The following RBFOX1 variants were observed in gnomAD, a reference collection of about 807,000 sequenced individuals.
RBFOX1 encodes RNA binding fox-1 homolog 1.
RBFOX1 carries 8 observed loss-of-function variants against 57.7 expected under a neutral mutation model. The ratio of observed to expected loss-of-function variants is 0.14; its 90% CI spans 0.08 to 0.25. The LOEUF (loss-of-function observed/expected upper bound fraction) is 0.25. RBFOX1 is among the 10% of genes least tolerant of loss of function. The pLI is 1.00. For missense variants in RBFOX1, 611 were observed against 548.5 expected, an observed-to-expected ratio of 1.11 and a Z score of -1.14; for synonymous variants, 326 against 222.4, an observed-to-expected ratio of 1.47 and a Z score of -4.15.
chr16:7,492,945 C>G (rs888985227), intron 4 of RBFOX1, among the ~76,000 whole-genome samples: 7 of 152,264 alleles, frequency 4.6e-5, no homozygotes, highest in African/African-American at 1.4e-4. Context: ...GTGGTGCGAT[C>G]TCAGCTCACT....
intron 1 of RBFOX1, among the ~76,000 whole-genome samples, chr16:5,319,120 C>CT (rs1465457768): frequency 6.8e-6 from 1 of 147,812 alleles, no homozygotes; most frequent in Non-Finnish European, 1.5e-5. Flanking sequence ...GAGTAAGACT[C>CT]TGTCTCAAAC....
chr16:7,536,038 C>T (rs549758501), intron 5 of RBFOX1, among the ~76,000 whole-genome samples: 29 of 152,302 alleles, frequency 1.9e-4, no homozygotes, highest in Admixed American at 1.0e-3. Context: ...TACACACACA[C>T]GTCACTCACA....
chr16:7,524,689 G>T (rs183737861), intron 5 of RBFOX1, among the ~76,000 whole-genome samples: 3 of 152,328 alleles, frequency 2.0e-5, no homozygotes, highest in East Asian at 1.9e-4. Flanking sequence ...ACAGGGAAAA[G>T]AACTATTTAG....
chr16:5,791,246 A>C (rs2054684729), intron 3 of RBFOX1, among the ~76,000 whole-genome samples: 1 of 152,226 alleles, frequency 6.6e-6, no homozygotes, highest in Non-Finnish European at 1.5e-5. Flanking sequence ...ACTAAACTGT[A>C]GCCAACTATC....
At chr16:7,411,949 C>G (rs1597778598) in intron 4 of RBFOX1, among the ~76,000 whole-genome samples, 1 of 149,100 alleles carries the variant, frequency 6.7e-6, no homozygotes, top group Non-Finnish European at 1.5e-5. Flanking sequence ...GAGAAACTAT[C>G]ACAGACAAGA....
At chr16:7,217,917 T>TGA (rs1427397476) in intron 4 of RBFOX1, among the ~76,000 whole-genome samples, 1 of 151,498 alleles carries the variant, frequency 6.6e-6, no homozygotes, top group African/African-American at 2.4e-5. Context: ...TGTGTGTGTG[T>TGA]GAGTGTAGGT....
chr16:6,714,176 C>T (rs1295107464), intron 3 of RBFOX1, among the ~76,000 whole-genome samples: 2 of 152,180 alleles, frequency 1.3e-5, no homozygotes, highest in African/African-American at 2.4e-5. Flanking sequence ...ACCATGTAAG[C>T]CATGCCTGCC....
intron 4 of RBFOX1, among the ~76,000 whole-genome samples, chr16:5,875,117 C>A (rs1281164639): frequency 6.6e-6 from 1 of 152,190 alleles, no homozygotes; most frequent in Non-Finnish European, 1.5e-5. Flanking sequence ...AGAACCTTCC[C>A]ATAGCAACAG....
intron 6 of RBFOX1, among the ~76,000 whole-genome samples, chr16:7,585,847 AAC>A (rs2094089122): frequency 6.6e-6 from 1 of 152,064 alleles, no homozygotes; most frequent in Non-Finnish European, 1.5e-5. Context: ...CTATGACTGA[AAC>A]ACATAGTCAG....
intron 3 of RBFOX1, among the ~76,000 whole-genome samples, chr16:6,881,416 A>C (rs2062906049): frequency 6.6e-6 from 1 of 152,170 alleles, no homozygotes; most frequent in African/African-American, 2.4e-5. Flanking sequence ...AGGTGTTGGC[A>C]AGATTGGTTC....
intron 3 of RBFOX1, among the ~76,000 whole-genome samples, chr16:6,960,287 A>G (rs1598422207): frequency 1.3e-5 from 2 of 152,128 alleles, no homozygotes; most frequent in Non-Finnish European, 2.9e-5. Flanking sequence ...CTCAGATCTT[A>G]TAGATGAGAA....
intron 4 of RBFOX1, among the ~76,000 whole-genome samples, chr16:7,189,761 T>G (rs955995213): frequency 6.6e-6 from 1 of 152,210 alleles, no homozygotes; most frequent in African/African-American, 2.4e-5. Context: ...CTGCAGGCAA[T>G]CCCTTCTATA....
intron 9 of RBFOX1, among the ~76,000 whole-genome samples, chr16:7,603,804 G>C (rs1221686647): frequency 6.6e-6 from 1 of 152,162 alleles, no homozygotes; most frequent in African/African-American, 2.4e-5. Flanking sequence ...ATTGACTAAG[G>C]TAAGACATGT....
At chr16:5,589,372 C>T (rs563009034) in intron 2 of RBFOX1, among the ~76,000 whole-genome samples, 3 of 152,290 alleles carry the variant, frequency 2.0e-5, no homozygotes, top group East Asian at 1.9e-4. Flanking sequence ...GTTGGCCAAC[C>T]TGGGGCAAGT....
At chr16:7,529,941 G>A (rs1226712854) in intron 5 of RBFOX1, among the ~76,000 whole-genome samples, 3 of 149,788 alleles carry the variant, frequency 2.0e-5, no homozygotes, top group Non-Finnish European at 3.0e-5. Context: ...TGCAGGAGGC[G>A]GAGGTTGCAG....
chr16:6,789,408 A>G (rs971494128), intron 3 of RBFOX1, among the ~76,000 whole-genome samples: 11 of 152,150 alleles, frequency 7.2e-5, no homozygotes, highest in African/African-American at 2.7e-4. Context: ...CAATTTTATA[A>G]TTTTTAAGAC....
chr16:6,649,279 T>C (rs1307297371), intron 2 of RBFOX1, among the ~76,000 whole-genome samples: 1 of 152,222 alleles, frequency 6.6e-6, no homozygotes, highest in Non-Finnish European at 1.5e-5. Flanking sequence ...CTTTCCTTCT[T>C]TATTAAGGCT....
chr16:6,369,608 A>G (rs1452698000), intron 2 of RBFOX1, among the ~76,000 whole-genome samples: 3 of 152,172 alleles, frequency 2.0e-5, no homozygotes, highest in Non-Finnish European at 4.4e-5. Flanking sequence ...GTGTCTTGTT[A>G]CTACCATGTT....
At chr16:6,731,590 A>G (rs12932572) in intron 3 of RBFOX1, among the ~76,000 whole-genome samples, 137,535 of 151,844 alleles carry the variant, frequency 0.91, 63,909 homozygotes, top group East Asian at 1. Flanking sequence ...TTAATACTCC[A>G]GGGAATAGCC....
Sources: gnomAD v4.1 joint callset for allele counts (sites outside exome capture counted in the v4.1 genomes callset) on GRCh38, gnomAD v4.1.1 for gene constraint, MANE v1.5 for transcripts, NCBI Gene and HGNC (gene_info 2026-07-23, HGNC 2026-07-21) for gene names.